RCC1L: variants seen among roughly 807,000 people sequenced by gnomAD.
The protein encoded by RCC1L is RCC1 like.
In RCC1L, 46 loss-of-function variants were observed where a neutral mutation model predicts 58.6. The observed-to-expected ratio is 0.79, with a 90% CI of 0.62 to 1.00. The LOEUF (loss-of-function observed/expected upper bound fraction) is 1.00. Ranked by LOEUF, RCC1L falls within the 50% of genes least tolerant of loss-of-function variation. The pLI is 0.00. For synonymous variants in RCC1L, 281 were observed against 262.9 expected (o/e 1.07, Z -0.67); for missense variants, 636 against 623.6 (o/e 1.02, Z -0.21).
chr7:75,028,621 C>T (rs895278704), intron 10 of RCC1L, among the ~76,000 whole-genome samples: 8 of 152,162 alleles, frequency 5.3e-5, no homozygotes, highest in Non-Finnish European at 1.0e-4. Flanking sequence ...CTCCCTGCCA[C>T]TGATAAGTTC....
intron 4 of RCC1L, among the ~76,000 whole-genome samples, chr7:75,064,191 C>G (rs11768900): frequency 0.89 from 134,713 of 151,888 alleles, 59,849 homozygotes; most frequent in East Asian, 0.95. Flanking sequence ...TTAGCCGGGC[C>G]TGCTGGCACG....
At chr7:75,051,023 G>C (rs1177487848) in intron 10 of RCC1L, among the ~76,000 whole-genome samples, 1 of 151,904 alleles carries the variant, frequency 6.6e-6, no homozygotes, top group East Asian at 1.9e-4. Flanking sequence ...AGCCCAGGAA[G>C]GTCAAGGCTG....
chr7:75,071,146 G>A (rs587594791), intron 1 of RCC1L, among the ~76,000 whole-genome samples: 3 of 152,216 alleles, frequency 2.0e-5, no homozygotes, highest in East Asian at 3.9e-4. Flanking sequence ...GTCAGCCACC[G>A]TGCCTGGCCC....
At chr7:75,030,364 G>T (rs1805267713) in intron 10 of RCC1L, among the ~76,000 whole-genome samples, 1 of 152,222 alleles carries the variant, frequency 6.6e-6, no homozygotes, top group South Asian at 2.1e-4. Context: ...CTTGAGTGCA[G>T]AAATGATTAG....
intron 7 of RCC1L, 184 bp from the exon 8 acceptor site, chr7:75,057,800 A>G: frequency 1.5e-6 from 1 of 679,696 alleles, no homozygotes; most frequent in Non-Finnish European, 2.7e-6. Flanking sequence ...AAAGAGGCCC[A>G]GTTTCCACCC....
chr7:75,036,858 G>C (rs936707781), intron 10 of RCC1L, among the ~76,000 whole-genome samples: 1 of 152,010 alleles, frequency 6.6e-6, no homozygotes, highest in Non-Finnish European at 1.5e-5. Context: ...AGCTGAGATC[G>C]CACCACTGCA....
Position 75,070,798 on chromosome 7 carries a change from C to A in RCC1L, c.325-29G>T, listed in dbSNP as rs782661478. On this transcript the variant is annotated intron_variant, in intron 1 of 10. Transcript: ENST00000610322. ...AAAAGCAGTTCCCACAAAGCATGAA[C>A]TGATTTATAATGTCAAGTTTGTTCA... The A allele has an allele frequency of 9.3e-6, 15 of 1,612,794 alleles. No homozygotes were observed. In the Admixed American group the frequency reaches 2.5e-4, roughly 27 times the overall value.
chr7:75,043,077 T>C lies in RCC1L; in HGVS notation c.1350A>G (p.Ala450=). The C allele has an allele frequency of 6.2e-7, 1 of 1,614,024 alleles. No homozygotes were observed. The highest frequency in any genetic ancestry group is 8.5e-7 in the Non-Finnish European group (1 of 1,179,874). Residue 450 remains alanine (A), a synonymous_variant, in exon 11 of 11, where the codon GCA becomes GCG. Coordinates refer to ENST00000610322, the MANE Select transcript of RCC1L (RefSeq NM_030798.5). ...VTMPGEPVDV[A]CGVDHMVTLA... is the part of the protein sequence containing the mutation. Reference sequence around the variant, plus strand: ...GGGTCACCATGTGGTCCACGCCACATGCCACGTCCACAGGCTCCCCAGGCA... The same window carrying C: ...GGGTCACCATGTGGTCCACGCCACACGCCACGTCCACAGGCTCCCCAGGCA...
chr7:75,069,828 G>A (rs587639743), intron 2 of RCC1L, among the ~76,000 whole-genome samples: 6 of 151,548 alleles, frequency 4.0e-5, no homozygotes, highest in African/African-American at 1.5e-4. Context: ...GCTTCCCAAA[G>A]TGCTGGGATT....
chr7:75,033,427 G>C (rs1388949732), intron 10 of RCC1L, among the ~76,000 whole-genome samples: 2 of 152,004 alleles, frequency 1.3e-5, no homozygotes, highest in African/African-American at 4.8e-5. Context: ...CAGGTGCAGT[G>C]ACTCAACGCC....
At chr7:75,063,025 C>T (rs1406528809) in intron 5 of RCC1L, among the ~76,000 whole-genome samples, 1 of 151,954 alleles carries the variant, frequency 6.6e-6, no homozygotes, top group Non-Finnish European at 1.5e-5. Flanking sequence ...TCTGGAACTC[C>T]TGACTTCAGG....
Position 75,073,618 on chromosome 7 carries a change from T to G in RCC1L, c.120A>C (p.Glu40Asp). The G allele has an allele frequency of 6.6e-7, 1 of 1,509,856 alleles. No homozygotes were observed. The highest frequency in any genetic ancestry group is 1.4e-5 in the African/African-American group (1 of 69,156). 93.5% of individuals were successfully genotyped at this position (1,509,856 alleles called of 1,614,324 possible). The change falls in exon 1 of 11, where the codon GAA becomes GAC. Residue 40 changes from glutamate (E) to aspartate (D), a missense_variant. By Grantham distance (45) the Glu-to-Asp change is conservative. Coordinates refer to ENST00000610322, the MANE Select transcript of RCC1L (RefSeq NM_030798.5). ...GRSRSRREAA[E>D]AEAEVPVVQY... ...GGACCACGGGCACCTCCGCCTCGGC[T>G]TCTGCCGCTTCGCGCCGGCTCCGGG...
rs374955541 is a variant in RCC1L, at chr7:75,055,911, A to G, written c.1221T>C (p.Ala407=). ...GGCTTGGTAACTTACTGGTCAGTGC[A>G]GCAAAGTGGCTGAGTCCACATCGGA... ...SRIRCGLSHF[A]ALTNKGELFV... The change falls in exon 9 of 11, where the codon GCT becomes GCC. Residue 407 remains alanine (A), a synonymous_variant. Transcript: ENST00000610322. 1 of 1,614,006 alleles carries G rather than the reference A, an allele frequency of 6.2e-7. No individual in the cohort carries two copies. Among genetic ancestry groups the G allele is most frequent in the Non-Finnish European group, 8.5e-7 (1 of 1,179,874 alleles).
At chr7:75,037,543 C>T (rs1334353458), downstream of RCC1L, among the ~76,000 whole-genome samples, 3 of 145,150 alleles carry the variant, frequency 2.1e-5, no homozygotes, top group Non-Finnish European at 4.5e-5. Flanking sequence ...CTCGGTCTGT[C>T]TCCCAGGCTG....
chr7:75,047,951 TAAAAAAAAAAA>T (rs1165495607), intron 10 of RCC1L, among the ~76,000 whole-genome samples: 3 of 72,204 alleles, frequency 4.2e-5, no homozygotes, highest in African/African-American at 5.7e-5. Flanking sequence ...GGCCAATAAT[TAAAAAAAAAAA>T]AAAAAAAAAA....
At chr7:75,027,663 A>T in exon 11 of RCC1L, 1 of 304,714 alleles carries the variant, frequency 3.3e-6, no homozygotes, top group East Asian at 1.0e-4. Flanking sequence ...CTGGCTCTGC[A>T]GGGGTGGTCC....
In RCC1L at chr7:75,042,822, T is replaced by C; in HGVS notation, c.*210A>G. 1 of 1,439,834 alleles carries C rather than the reference T, an allele frequency of 6.9e-7. No homozygotes were observed. The highest frequency in any genetic ancestry group is 9.1e-7 in the Non-Finnish European group (1 of 1,092,930). The allele number at this position is 1,439,834 out of a possible 1,614,324, so 89.2% of individuals were successfully genotyped here. ...ACCAAAGGCTGCCATCCAAGCTGAG[T>C]TCCGCAGGCCTCACCTGCAGCTGGA... On this transcript the variant is annotated 3_prime_UTR_variant, in exon 11 of 11. Transcript: ENST00000610322.
chr7:75,043,098 AG>A lies in RCC1L; in HGVS notation c.1328del (p.Pro443LeufsTer15). On this transcript the variant is annotated frameshift_variant, in exon 11 of 11. Transcript: ENST00000610322. LOFTEE classifies it high-confidence loss of function. ...DQYFPWRVTM[P>X]GEPVDVACGV... ...CACATGCCACGTCCACAGGCTCCCC[AG>A]GCATCGTCACCTGAAAAATAAGATC... is the stretch of plus-strand genomic sequence containing the variant. The A allele has an allele frequency of 6.2e-7, 1 of 1,614,014 alleles. No homozygotes were observed. The highest frequency in any genetic ancestry group is 8.5e-7 in the Non-Finnish European group (1 of 1,179,878).
downstream of RCC1L, among the ~76,000 whole-genome samples, chr7:75,037,651 C>T (rs917433137): frequency 0.11 from 16,693 of 151,696 alleles, 1,000 homozygotes; most frequent in South Asian, 0.12. Flanking sequence ...ACTACAGGCA[C>T]GTGCCATCAC....
Sources: gnomAD v4.1 joint callset for allele counts (sites outside exome capture counted in the v4.1 genomes callset) on GRCh38, gnomAD v4.1.1 for gene constraint, MANE v1.5 for transcripts, NCBI Gene and HGNC (gene_info 2026-07-23, HGNC 2026-07-21) for gene names.